Variants in URAD observed in about 807,000 individuals in gnomAD.
URAD encodes ureidoimidazoline (2-oxo-4-hydroxy-4-carboxy-5-) decarboxylase.
In URAD, 4 loss-of-function variants were observed where a neutral mutation model predicts 4.6. That is an observed-to-expected ratio of 0.87 (90% CI 0.43 to 1.98). The LOEUF (loss-of-function observed/expected upper bound fraction) is 1.98, where lower values mean the gene tolerates loss of function less well. Ranked by LOEUF, URAD falls within the 30% of genes most tolerant of loss-of-function variation. The pLI is 0.03. For synonymous variants in URAD, 144 were observed against 118.2 expected (o/e 1.22, Z -1.41); for missense variants, 300 against 255.3 (o/e 1.18, Z -1.19).
chr13:27,983,322 C>G (rs958261339), intron 1 of URAD, among the ~76,000 whole-genome samples: 1 of 151,982 alleles, frequency 6.6e-6, no homozygotes, highest in Admixed American at 6.6e-5. Flanking sequence ...CTCCGTCTTC[C>G]GGGTTCAAGT....
Position 27,978,224 on chromosome 13 carries a change from A to C in URAD, c.404T>G (p.Leu135Arg), listed in dbSNP as rs1869769659. 2.0e-6 allele frequency: 3 copies of C among 1,471,098 alleles called. No individual in the cohort carries two copies. Among genetic ancestry groups the C allele is most frequent in the African/African-American group, 1.5e-5 (1 of 68,138 alleles). 91.1% of individuals were successfully genotyped at this position (1,471,098 alleles called of 1,614,324 possible). A position where few individuals can be genotyped will look rare whatever the true frequency, so the allele number is the denominator to read the frequency against. The change falls in exon 2 of 2, where the codon CTG (leucine) becomes CGG (arginine). Residue 135 changes from leucine (L) to arginine (R), a missense_variant. Physicochemically the swap from Leu to Arg is moderately radical, Grantham distance 102 (BLOSUM62 -2). Transcript: ENST00000332715. The stretch of plus-strand genomic sequence containing the variant: ...GGACGGGCAGAGCAGCCGGCGCGCC[A>C]GCTCGCGCGGCACCGCCGTCCGGTC... The part of the protein sequence containing the change: ...FSDRTAVPRE[L>R]ARRLLCPSAQ...
chr13:27,988,595 C>A lies in URAD; in HGVS notation c.43G>T (p.Val15Leu). The change falls in exon 1 of 2, where the codon GTG becomes TTG. Residue 15 changes from valine to leucine, a missense_variant. Val to Leu is a conservative substitution (Grantham distance 32, BLOSUM62 1). Coordinates refer to ENST00000332715, the MANE Select transcript of URAD (RefSeq NM_001105577.2). ...KVNSMDLGEFVDVFGNATERC... is the reference protein window; with the variant it reads ...KVNSMDLGEFLDVFGNATERC... ...TCAGTGGCATTCCCAAACACATCCA[C>A]GAATTCTCCAAGGTCCATGGAGTTG... 6.2e-7 allele frequency: 1 copy of A among 1,613,644 alleles called. No homozygotes were observed. The highest frequency in any genetic ancestry group is 8.5e-7 in the Non-Finnish European group (1 of 1,179,728).
chr13:27,986,567 C>T (rs1870034139), intron 1 of URAD, among the ~76,000 whole-genome samples: 1 of 152,152 alleles, frequency 6.6e-6, no homozygotes, highest in African/African-American at 2.4e-5. Flanking sequence ...AGAAAGCCCC[C>T]AAAACGTGTG....
At chr13:27,985,368 G>A (rs1031068830) in intron 1 of URAD, among the ~76,000 whole-genome samples, 6 of 152,148 alleles carry the variant, frequency 3.9e-5, no homozygotes, top group African/African-American at 1.2e-4. Context: ...TAAGGCAGGA[G>A]AATCGCTTGA....
At chr13:27,984,567 A>G (rs1042458460) in intron 1 of URAD, among the ~76,000 whole-genome samples, 2 of 152,232 alleles carry the variant, frequency 1.3e-5, no homozygotes, top group South Asian at 4.1e-4. Context: ...CAAATACATG[A>G]CTAGGTAGAC....
intron 1 of URAD, among the ~76,000 whole-genome samples, chr13:27,980,763 C>G (rs1286996939): frequency 2.0e-5 from 3 of 152,132 alleles, no homozygotes; most frequent in Non-Finnish European, 4.4e-5. Flanking sequence ...GGCGGCGTCC[C>G]GCCAACGTGG....
In URAD at chr13:27,978,010, C is replaced by G; in HGVS notation, c.*96G>C. 9.4e-7 allele frequency: 1 copy of G among 1,066,802 alleles called. No individual in the cohort carries two copies. The highest frequency in any genetic ancestry group is 1.3e-6 in the Non-Finnish European group (1 of 798,088). The allele number at this position is 1,066,802 out of a possible 1,614,324, so 66.1% of individuals were successfully genotyped here. ...TTGTGCACGTGTGTGGACGCTGTTCCAGGCCCGAGTCCGCCTCCCGCCCAG... is the reference window on the plus strand; with the variant it reads ...TTGTGCACGTGTGTGGACGCTGTTCGAGGCCCGAGTCCGCCTCCCGCCCAG... On this transcript the variant is annotated 3_prime_UTR_variant, in exon 2 of 2. Coordinates refer to ENST00000332715, the MANE Select transcript of URAD (RefSeq NM_001105577.2).
intron 1 of URAD, among the ~76,000 whole-genome samples, chr13:27,983,640 T>A (rs190558194): frequency 3.0e-4 from 45 of 152,360 alleles, no homozygotes; most frequent in African/African-American, 1.0e-3. Flanking sequence ...TTACATATTT[T>A]CTGCCATATT....
intron 1 of URAD, among the ~76,000 whole-genome samples, chr13:27,984,593 G>T (rs1055368856): frequency 5.3e-5 from 8 of 152,196 alleles, no homozygotes; most frequent in Non-Finnish European, 1.0e-4. Context: ...TAACTTGAAC[G>T]TCTCTCTAAG....
At chr13:27,978,871 C>A (rs370561938) in intron 1 of URAD, among the ~76,000 whole-genome samples, 11 of 152,230 alleles carry the variant, frequency 7.2e-5, no homozygotes, top group African/African-American at 2.6e-4. Flanking sequence ...CTTTCAAAGT[C>A]CTTTGCTCTC....
chr13:27,978,742 T>C (rs1005591394), intron 1 of URAD, among the ~76,000 whole-genome samples: 2 of 151,486 alleles, frequency 1.3e-5, no homozygotes, highest in South Asian at 4.2e-4. Flanking sequence ...GACACGTTTG[T>C]CTTTTGAGAC....
intron 1 of URAD, among the ~76,000 whole-genome samples, chr13:27,982,128 C>T (rs1417541386): frequency 6.6e-6 from 1 of 152,126 alleles, no homozygotes; most frequent in Non-Finnish European, 1.5e-5. Flanking sequence ...GGCCCTCTCT[C>T]CTTAAAAAAT....
At chr13:27,985,962 C>T (rs1408447391) in intron 1 of URAD, among the ~76,000 whole-genome samples, 1 of 152,146 alleles carries the variant, frequency 6.6e-6, no homozygotes, top group African/African-American at 2.4e-5. Flanking sequence ...GTTATTGTCA[C>T]CATTGATAAC....
intron 1 of URAD, among the ~76,000 whole-genome samples, chr13:27,980,896 T>C (rs1187252357): frequency 6.6e-6 from 1 of 152,144 alleles, no homozygotes; most frequent in Non-Finnish European, 1.5e-5. Context: ...AGCACGAGTT[T>C]TCCACTCTTG....
At chr13:27,983,153 T>A (rs1360798749) in intron 1 of URAD, among the ~76,000 whole-genome samples, 1 of 152,164 alleles carries the variant, frequency 6.6e-6, no homozygotes, top group Non-Finnish European at 1.5e-5. Context: ...CTCTACTCCT[T>A]ACTATTTTCC....
intron 1 of URAD, among the ~76,000 whole-genome samples, chr13:27,978,882 A>AG (rs142510139): frequency 1.1e-4 from 16 of 152,130 alleles, no homozygotes; most frequent in Admixed American, 2.6e-4. Flanking sequence ...CTTTGCTCTC[A>AG]GGGGGGGCTT....
At position 27,978,408 on chromosome 13, in the gene URAD, C is replaced by G. The variant is rs1869779640; in HGVS notation, c.220G>C (p.Glu74Gln). 7.2e-7 allele frequency: 1 copy of G among 1,393,432 alleles called. No individual in the cohort carries two copies. Among genetic ancestry groups the G allele is most frequent in the African/African-American group, 1.5e-5 (1 of 66,314 alleles). The allele number at this position is 1,393,432 out of a possible 1,614,324, so 86.3% of individuals were successfully genotyped here. ...LRCHPDLAGS[E>Q]LQRGTLTAES... The stretch of plus-strand genomic sequence containing the variant: ...GCCGTGAGCGTGCCCCGCTGCAGCT[C>G]GCTGCCCGCCAGGTCCGGGTGGCAG... The change falls in exon 2 of 2, where the codon GAG becomes CAG. Residue 74 changes from glutamate (E) to glutamine (Q), a missense_variant. By Grantham distance (29) the Glu-to-Gln change is conservative. Coordinates refer to ENST00000332715, the MANE Select transcript of URAD (RefSeq NM_001105577.2).
intron 1 of URAD, among the ~76,000 whole-genome samples, chr13:27,981,703 A>G (rs1869882568): frequency 1.3e-5 from 2 of 152,170 alleles, no homozygotes; most frequent in Non-Finnish European, 2.9e-5. Context: ...ACGATGGACA[A>G]TCTTCCTATG....
intron 1 of URAD, among the ~76,000 whole-genome samples, chr13:27,981,051 C>G (rs1010602573): frequency 2.6e-5 from 4 of 151,254 alleles, no homozygotes; most frequent in African/African-American, 9.7e-5. Context: ...CTCTCTCTCT[C>G]TGTCTCTTAG....
Sources: allele counts gnomAD v4.1 joint callset (sites outside exome capture counted in the v4.1 genomes callset), GRCh38; gene constraint gnomAD v4.1.1; transcripts MANE v1.5; gene names NCBI Gene and HGNC (gene_info 2026-07-23, HGNC 2026-07-21).